The following CLINT1 variants were observed in gnomAD, a reference collection of about 807,000 sequenced individuals.
CLINT1 encodes the protein clathrin interacting protein localized in the trans-Golgi region.
CLINT1 carries 15 observed loss-of-function variants against 70.4 expected under a neutral mutation model. The ratio of observed to expected loss-of-function variants is 0.21; its 90% confidence interval spans 0.14 to 0.33. CLINT1 has a LOEUF of 0.33. Among genes scored for constraint, CLINT1 ranks in the 10% least tolerant of loss-of-function variants. CLINT1 has a pLI of 1.00. For synonymous variants in CLINT1, 227 were observed against 254.7 expected, an observed-to-expected ratio of 0.89 and a Z score of 1.04; for missense variants, 615 against 778.1, an observed-to-expected ratio of 0.79 and a Z score of 2.49.
chr5:157,830,247 C>T (rs563774839), intron 1 of CLINT1, among the ~76,000 whole-genome samples: 3 of 152,174 alleles, frequency 2.0e-5, no homozygotes, highest in Non-Finnish European at 4.4e-5. Flanking sequence ...TGCAACCAGT[C>T]GTCCTTTTCT....
chr5:157,841,200 A>G (rs1753161864), intron 1 of CLINT1, among the ~76,000 whole-genome samples: 1 of 152,154 alleles, frequency 6.6e-6, no homozygotes, highest in African/African-American at 2.4e-5. Context: ...CGGGAGGTTG[A>G]GGCAGCAGTG....
intron 1 of CLINT1, among the ~76,000 whole-genome samples, chr5:157,850,817 C>T (rs1012726452): frequency 1.3e-5 from 2 of 151,830 alleles, no homozygotes; most frequent in Admixed American, 1.3e-4. Flanking sequence ...TTTTTAGAGA[C>T]AAAGTTTCAC....
At chr5:157,791,519 T>A in intron 10 of CLINT1, 184 bp downstream of exon 10, 1 of 591,440 alleles carries the variant, frequency 1.7e-6, no homozygotes, top group Non-Finnish European at 2.9e-6. Flanking sequence ...TGCAAATGAC[T>A]ATGCTAGGGG....
chr5:157,844,369 T>A (rs1281233181), intron 1 of CLINT1, among the ~76,000 whole-genome samples: 23 of 152,200 alleles, frequency 1.5e-4, no homozygotes, highest in Admixed American at 1.5e-3. Context: ...TATCATCTTG[T>A]GTCATTTTCT....
At chr5:157,833,974 G>A (rs1022138318) in intron 1 of CLINT1, among the ~76,000 whole-genome samples, 4 of 152,088 alleles carry the variant, frequency 2.6e-5, no homozygotes, top group Admixed American at 6.5e-5. Flanking sequence ...TAACAGGCAT[G>A]TTTGTTTATT....
In CLINT1 at chr5:157,785,903, T is replaced by C. The variant is rs1761708535; in HGVS notation, c.*1743A>G. ...AGAGGCTGGCTTGATTGCTCTGAAG[T>C]AACAACACTTGAAAGCTCCTATTCT... On this transcript the variant is annotated 3_prime_UTR_variant, in exon 12 of 12. Transcript: ENST00000411809. The C allele has an allele frequency of 6.6e-6, 1 of 152,194 alleles. No individual in the cohort carries two copies. Among genetic ancestry groups the C allele is most frequent in the Non-Finnish European group, 1.5e-5 (1 of 68,022 alleles). The allele number at this position is 152,194 out of a possible 1,614,324, so 9.4% of individuals were successfully genotyped here. A position where few individuals can be genotyped will look rare whatever the true frequency, so the allele number is the denominator to read the frequency against.
intron 1 of CLINT1, among the ~76,000 whole-genome samples, chr5:157,830,861 A>C (rs1164912029): frequency 6.7e-6 from 1 of 149,626 alleles, no homozygotes; most frequent in East Asian, 2.0e-4. Flanking sequence ...CTCCATCTCT[A>C]CAAAAGATTT....
At chr5:157,833,077 G>A (rs529321454) in intron 1 of CLINT1, among the ~76,000 whole-genome samples, 1 of 152,148 alleles carries the variant, frequency 6.6e-6, no homozygotes, top group Non-Finnish European at 1.5e-5. Flanking sequence ...CAGGCCAGGC[G>A]CGGTGGCTCA....
At chr5:157,827,667 C>G (rs1763082880) in intron 1 of CLINT1, among the ~76,000 whole-genome samples, 1 of 152,166 alleles carries the variant, frequency 6.6e-6, no homozygotes. Context: ...ATGTCCATAA[C>G]TAAATTATGA....
At chr5:157,788,592 AACACAG>A (rs1312997059) in intron 11 of CLINT1, among the ~76,000 whole-genome samples, 1 of 152,266 alleles carries the variant, frequency 6.6e-6, no homozygotes, top group Non-Finnish European at 1.5e-5. Context: ...AATATTATTC[AACACAG>A]GGAAAATGAT....
chr5:157,839,576 G>A (rs1480078877), intron 1 of CLINT1, among the ~76,000 whole-genome samples: 2 of 151,650 alleles, frequency 1.3e-5, no homozygotes, highest in East Asian at 3.9e-4. Context: ...ACTCCAGCCC[G>A]GGTGACAGAG....
At position 157,797,179 on chromosome 5, in the gene CLINT1, G is replaced by A. The variant is rs374383405; in HGVS notation, c.1013-2207C>T. On this transcript the variant is annotated intron_variant, in intron 8 of 11. Coordinates refer to ENST00000411809, the MANE Select transcript of CLINT1 (RefSeq NM_014666.4). ...TTCAAACAGCTGCTGCTTAATATTC[G>A]TAAGTTTGTTTTCTGTAAAGTAGTC... is the stretch of plus-strand genomic sequence containing the variant. Among the ~76,000 whole-genome samples, 129 of 152,224 alleles carry A rather than the reference G, an allele frequency of 8.5e-4. 1 individual carries two copies. Among genetic ancestry groups the A allele is most frequent in the Middle Eastern group, 6.8e-3 (2 of 294 alleles).
At chr5:157,836,583 T>C (rs563193663) in intron 1 of CLINT1, among the ~76,000 whole-genome samples, 1 of 152,346 alleles carries the variant, frequency 6.6e-6, no homozygotes, top group Admixed American at 6.5e-5. Flanking sequence ...CAGCTGCTTA[T>C]GACCCTTAGA....
At chr5:157,812,400 C>G (rs17606912) in intron 5 of CLINT1, among the ~76,000 whole-genome samples, 1,827 of 152,276 alleles carry the variant, frequency 0.012, 20 homozygotes, top group Non-Finnish European at 0.015. Context: ...AAGACAGTTC[C>G]TATTTTGTGT....
chr5:157,834,940 A>C (rs972863846), intron 1 of CLINT1, among the ~76,000 whole-genome samples: 2 of 152,176 alleles, frequency 1.3e-5, no homozygotes, highest in African/African-American at 4.8e-5. Context: ...TACTCACTAA[A>C]ATGTAACCTC....
intron 3 of CLINT1, among the ~76,000 whole-genome samples, chr5:157,815,421 A>G (rs974587727): frequency 3.3e-5 from 5 of 152,128 alleles, no homozygotes; most frequent in South Asian, 2.1e-4. Flanking sequence ...CTGGAATTAG[A>G]CAGTAGTTAC....
chr5:157,794,688 A>G (rs900859428), intron 9 of CLINT1, among the ~76,000 whole-genome samples: 3 of 152,204 alleles, frequency 2.0e-5, no homozygotes, highest in South Asian at 4.1e-4. Flanking sequence ...AATTTTCTTT[A>G]GATGTACCTG....
At chr5:157,836,458 CTT>C (rs1209310821) in intron 1 of CLINT1, among the ~76,000 whole-genome samples, 3 of 152,206 alleles carry the variant, frequency 2.0e-5, no homozygotes, top group Non-Finnish European at 4.4e-5. Flanking sequence ...ACCTTCTACT[CTT>C]GTTCTCCCTT....
At position 157,786,059 on chromosome 5, in the gene CLINT1, C is replaced by T. The variant is rs930204288; in HGVS notation, c.*1587G>A. 5 of 152,316 alleles carry T rather than the reference C, an allele frequency of 3.3e-5. No individual in the cohort carries two copies. The highest frequency in any genetic ancestry group is 1.2e-4 in the African/African-American group (5 of 41,576). 9.4% of individuals were successfully genotyped at this position (152,316 alleles called of 1,614,324 possible). On this transcript the variant is annotated 3_prime_UTR_variant, in exon 12 of 12. Transcript: ENST00000411809. ...CCACTTAGCTGAAGTACATGAATTT[C>T]TGCCTAATTAGAAATGTTGTAGATG...
Sources: gnomAD v4.1 joint callset for allele counts (sites outside exome capture counted in the v4.1 genomes callset) on GRCh38, gnomAD v4.1.1 for gene constraint, MANE v1.5 for transcripts, NCBI Gene and HGNC (gene_info 2026-07-23, HGNC 2026-07-21) for gene names.